RELCH: variants seen among roughly 807,000 people sequenced by gnomAD.
RELCH encodes RAB11 binding and LisH domain, coiled-coil and HEAT repeat containing, also known as RAB11-binding protein RELCH.
A neutral mutation model predicts 150.3 loss-of-function variants in RELCH; 41 were observed. The observed-to-expected ratio is 0.27, with a 90% CI of 0.21 to 0.35. The LOEUF (loss-of-function observed/expected upper bound fraction) is 0.35, where lower values mean the gene tolerates loss of function less well. Among genes scored for constraint, RELCH ranks in the 10% least tolerant of loss-of-function variants. RELCH has a pLI of 1.00. For synonymous variants in RELCH, 478 were observed against 531.8 expected (o/e 0.90, Z 1.39); for missense variants, 1,092 against 1,467.8 (o/e 0.74, Z 4.18).
chr18:62,189,673 T>TG (rs1338509678), intron 1 of RELCH, among the ~76,000 whole-genome samples: 1 of 152,252 alleles, frequency 6.6e-6, no homozygotes. Context: ...CTTTTCACCC[T>TG]GTCTTATTAG....
At chr18:62,193,162 T>C (rs1417290545) in intron 1 of RELCH, among the ~76,000 whole-genome samples, 3 of 152,170 alleles carry the variant, frequency 2.0e-5, no homozygotes, top group Non-Finnish European at 2.9e-5. Context: ...ATGATTTAGC[T>C]CTCTGCTTGT....
In RELCH at chr18:62,275,412, T is replaced by C. The variant is rs1241215267; in HGVS notation, c.2906T>C (p.Leu969Ser). The C allele has an allele frequency of 6.3e-7, 1 of 1,580,292 alleles. No homozygotes were observed. The highest frequency in any genetic ancestry group is 8.6e-7 in the Non-Finnish European group (1 of 1,168,772). The stretch of plus-strand genomic sequence containing the variant: ...TACCATGAGTTACTATTAACTGTTT[T>C]GTGGTATGGTGTTGTCCATACTTCA... The part of the protein sequence containing the change: ...PAYHELLLTV[L>S]WYGVVHTSAL... Residue 969 changes from leucine (L) to serine (S), a missense_variant, in exon 22 of 29, where the codon TTG becomes TCG. Around this residue, in one of 4 missense-constraint regions of RELCH, gnomAD observed 707 missense variants for 1,025.4 expected, o/e 0.69. Coordinates refer to ENST00000644646, the MANE Select transcript of RELCH (RefSeq NM_001346231.2).
chr18:62,269,695 T>G (rs2043786403), intron 20 of RELCH, among the ~76,000 whole-genome samples: 1 of 152,204 alleles, frequency 6.6e-6, no homozygotes, highest in South Asian at 2.1e-4. Flanking sequence ...TTTCTTATAC[T>G]TTTTCACATG....
chr18:62,256,604 A>G (rs753618814), intron 13 of RELCH, among the ~76,000 whole-genome samples: 1 of 152,020 alleles, frequency 6.6e-6, no homozygotes, highest in Non-Finnish European at 1.5e-5. Context: ...CAGCGGATCT[A>G]TGTTTGCCTT....
At chr18:62,205,251 T>C (rs1420579886) in intron 1 of RELCH, among the ~76,000 whole-genome samples, 1 of 152,178 alleles carries the variant, frequency 6.6e-6, no homozygotes, top group African/African-American at 2.4e-5. Context: ...GTAAAATATA[T>C]AAATCTTAAG....
chr18:62,260,943 A>G (rs944261809), intron 15 of RELCH, among the ~76,000 whole-genome samples: 1 of 151,952 alleles, frequency 6.6e-6, no homozygotes, highest in Non-Finnish European at 1.5e-5. Flanking sequence ...AAATACAGTT[A>G]GATAGAAGAA....
At chr18:62,208,828 ATCT>A (rs1251426327) in intron 1 of RELCH, among the ~76,000 whole-genome samples, 56 of 152,224 alleles carry the variant, frequency 3.7e-4, no homozygotes, top group Admixed American at 2.6e-3. Flanking sequence ...AAAAGACGTG[ATCT>A]TCTTCTTTTT....
At chr18:62,260,074 C>T (rs2043178407) in intron 15 of RELCH, among the ~76,000 whole-genome samples, 2 of 150,478 alleles carry the variant, frequency 1.3e-5, no homozygotes, top group Admixed American at 6.7e-5. Flanking sequence ...AGCTTCCGCG[C>T]AGCAAAGGAA....
chr18:62,212,070 G>C (rs1305044300), intron 2 of RELCH, among the ~76,000 whole-genome samples: 1 of 152,148 alleles, frequency 6.6e-6, no homozygotes, highest in East Asian at 1.9e-4. Flanking sequence ...TCCCATACCA[G>C]TCTTGCCTTC....
At chr18:62,287,495 A>C in intron 26 of RELCH, 28 bp downstream of exon 26, 1 of 1,145,536 alleles carries the variant, frequency 8.7e-7, no homozygotes, top group Non-Finnish European at 1.3e-6. Context: ...AGGTGTATCT[A>C]CATTTATGTA....
chr18:62,204,113 C>G (rs2039629722), intron 1 of RELCH, among the ~76,000 whole-genome samples: 1 of 152,076 alleles, frequency 6.6e-6, no homozygotes, highest in African/African-American at 2.4e-5. Context: ...TGATGATATA[C>G]TGCCCTTATC....
intron 15 of RELCH, among the ~76,000 whole-genome samples, chr18:62,260,193 C>CAAAAAAAAAAAAAAAAAAAAAAA (rs377119786): frequency 2.1e-5 from 2 of 95,810 alleles, no homozygotes; most frequent in Non-Finnish European, 4.1e-5. Flanking sequence ...AACTCAACAG[C>CAAAAAAAAAAAAAAAAAAAAAAA]AAAAAAAAAA....
At chr18:62,225,708 C>G (rs1362166088) in intron 5 of RELCH, among the ~76,000 whole-genome samples, 2 of 151,706 alleles carry the variant, frequency 1.3e-5, no homozygotes, top group African/African-American at 4.8e-5. Flanking sequence ...GAAATTATTT[C>G]TAGTTCTAAG....
intron 1 of RELCH, among the ~76,000 whole-genome samples, chr18:62,194,528 A>G (rs2038886912): frequency 6.6e-6 from 1 of 152,246 alleles, no homozygotes; most frequent in Non-Finnish European, 1.5e-5. Flanking sequence ...TTATAGTACA[A>G]ACTTTAGTAC....
intron 1 of RELCH, among the ~76,000 whole-genome samples, chr18:62,189,093 A>G (rs891336442): frequency 3.9e-5 from 6 of 152,040 alleles, no homozygotes; most frequent in African/African-American, 1.4e-4. Context: ...TCTTAAATAT[A>G]TTTCCCCCTT....
intron 10 of RELCH, among the ~76,000 whole-genome samples, chr18:62,239,971 G>T (rs559086854): frequency 6.6e-6 from 1 of 151,622 alleles, no homozygotes; most frequent in East Asian, 1.9e-4. Context: ...TATATATTTG[G>T]ATATAAATAT....
At chr18:62,268,075 G>A (rs1045250156) in intron 19 of RELCH, among the ~76,000 whole-genome samples, 1 of 151,904 alleles carries the variant, frequency 6.6e-6, no homozygotes, top group African/African-American at 2.4e-5. Context: ...TCTTTATGTA[G>A]TACCCTCAGA....
chr18:62,245,553 G>T (rs902089262), intron 11 of RELCH, among the ~76,000 whole-genome samples: 1 of 152,128 alleles, frequency 6.6e-6, no homozygotes, highest in Admixed American at 6.5e-5. Context: ...TTGAACCCAA[G>T]AGGCAGAGGT....
rs1026621032 is a variant in RELCH, at chr18:62,305,287, C to T, written c.3531-127C>T. 2 of 716,898 alleles carry T rather than the reference C, an allele frequency of 2.8e-6. No individual in the cohort carries two copies. Among genetic ancestry groups the T allele is most frequent in the African/African-American group, 3.6e-5 (2 of 55,064 alleles). The allele number at this position is 716,898 out of a possible 1,614,324, so 44.4% of individuals were successfully genotyped here. A position where few individuals can be genotyped will look rare whatever the true frequency, so the allele number is the denominator to read the frequency against. The stretch of plus-strand genomic sequence containing the variant: ...TAGTATGGCATATACAAACTACCCT[C>T]CATAAATATTAGTTTCCCTTTTGTG... On this transcript the variant is annotated intron_variant, in intron 28 of 28. Coordinates refer to ENST00000644646, the MANE Select transcript of RELCH (RefSeq NM_001346231.2). This position sits in a 1 kb window ranked among gnomAD's most constrained non-coding sequence, Gnocchi z 4.0.
Sources: gnomAD v4.1 joint callset for allele counts (sites outside exome capture counted in the v4.1 genomes callset) on GRCh38, gnomAD v4.1.1 for gene constraint, gnomAD v4.1.1 regional missense constraint, Gnocchi (gnomAD v3.1) non-coding constraint, MANE v1.5 for transcripts, NCBI Gene and HGNC (gene_info 2026-07-23, HGNC 2026-07-21) for gene names.